Variants in SRF observed in about 807,000 individuals in gnomAD.
SRF encodes the protein c-fos serum response element-binding transcription factor.
In SRF, 7 loss-of-function variants were observed where a neutral mutation model predicts 37.1. The ratio of observed to expected loss-of-function variants is 0.19; its 90% CI spans 0.11 to 0.35. The LOEUF (loss-of-function observed/expected upper bound fraction) is 0.35. Ranked by LOEUF, SRF falls within the 10% of genes least tolerant of loss-of-function variation. SRF has a pLI of 1.00. For synonymous variants in SRF, 285 were observed against 310.1 expected, an observed-to-expected ratio of 0.92 and a Z score of 0.85; for missense variants, 395 against 694.4, an observed-to-expected ratio of 0.57 and a Z score of 4.85.
Position 43,173,963 on chromosome 6 carries a change from C to G in SRF, c.630C>G (p.Thr210=), listed in dbSNP as rs778050935. Residue 210 remains threonine (T), a synonymous_variant, in exon 2 of 7, where the codon ACC becomes ACG. Transcript: ENST00000265354. The surrounding 1 kb of genome is among the most constrained non-coding windows in gnomAD (Gnocchi z 4.2). ...TGCAGCCCATGATCACCAGTGAGAC[C>G]GGCAAGGCACTGATTCAGACCTGCC... The part of the protein sequence containing the change: ...RKLQPMITSE[T]GKALIQTCLN... 2.5e-6 allele frequency: 4 copies of G among 1,614,112 alleles called. No homozygotes were observed. Among genetic ancestry groups the G allele is most frequent in the Admixed American group, 1.7e-5 (1 of 60,022 alleles).
chr6:43,172,512 A>C lies in SRF; in HGVS notation c.513+343A>C. On this transcript the variant is annotated intron_variant, in intron 1 of 6. Transcript: ENST00000265354. The surrounding 1 kb of genome is among the most constrained non-coding windows in gnomAD (Gnocchi z 5.7). Reference sequence around the variant, plus strand: ...GGGAGGTGGATAATGAGAACCCGGGATCAGTAGGTCCAGTGCACTCCGGTG... The same window carrying C: ...GGGAGGTGGATAATGAGAACCCGGGCTCAGTAGGTCCAGTGCACTCCGGTG... 1.0e-6 allele frequency: 1 copy of C among 968,994 alleles called. No homozygotes were observed. The highest frequency in any genetic ancestry group is 1.2e-6 in the Non-Finnish European group (1 of 815,008). 60.0% of individuals were successfully genotyped at this position (968,994 alleles called of 1,614,324 possible).
Position 43,171,906 on chromosome 6 carries a change from G to C in SRF, c.250G>C (p.Glu84Gln). 1 of 1,423,354 alleles carries C rather than the reference G, an allele frequency of 7.0e-7. No homozygotes were observed. The highest frequency in any genetic ancestry group is 1.5e-5 in the South Asian group (1 of 66,940). The allele number at this position is 1,423,354 out of a possible 1,614,324, so 88.2% of individuals were successfully genotyped here. A position where few individuals can be genotyped will look rare whatever the true frequency, so the allele number is the denominator to read the frequency against. ...ALYSGSEGDS[E>Q]SGEEEELGAE... is the part of the protein sequence containing the mutation. ...CTACAGCGGCAGCGAGGGCGACTCG[G>C]AGTCGGGCGAGGAGGAGGAGCTGGG... Residue 84 changes from glutamate to glutamine, a missense_variant, in exon 1 of 7, where the codon GAG becomes CAG. Around this residue, in one of 4 missense-constraint regions of SRF, gnomAD observed 134 missense variants for 204.5 expected, o/e 0.66. Transcript: ENST00000265354. The surrounding 1 kb of genome is among the most constrained non-coding windows in gnomAD (Gnocchi z 6.5).
chr6:43,177,411 T>C (rs1772223116), intron 4 of SRF, among the ~76,000 whole-genome samples: 1 of 151,268 alleles, frequency 6.6e-6, no homozygotes, highest in African/African-American at 2.4e-5. Context: ...TTTGTATTTT[T>C]AGTAGAGACG....
intron 2 of SRF, among the ~76,000 whole-genome samples, chr6:43,175,334 A>G (rs1287712317): frequency 6.6e-6 from 1 of 152,220 alleles, no homozygotes; most frequent in African/African-American, 2.4e-5. Context: ...AGCCAATGGG[A>G]TTACCACAGT....
rs754832739 is a variant in SRF, at chr6:43,175,752, C to A, written c.827C>A (p.Thr276Asn). The change falls in exon 3 of 7, where the codon ACC (threonine) becomes AAC (asparagine). Residue 276 changes from threonine to asparagine, a missense_variant. Thr to Asn is a moderately conservative substitution (Grantham distance 65). This residue lies in a region of SRF where 232 missense variants were observed against 335.6 expected (regional missense o/e 0.69). Coordinates refer to ENST00000265354, the MANE Select transcript of SRF (RefSeq NM_003131.4). Reference sequence around the variant, plus strand: ...ACAGTCACCAACCTGCCGGGTACAACCTCCACCATCCAAACAGCACCTAGC... The same window carrying A: ...ACAGTCACCAACCTGCCGGGTACAAACTCCACCATCCAAACAGCACCTAGC... ...AFTVTNLPGTTSTIQTAPSTS... is the reference protein window; with the variant it reads ...AFTVTNLPGTNSTIQTAPSTS... The A allele has an allele frequency of 1.2e-6, 2 of 1,614,222 alleles. No homozygotes were observed. The highest frequency in any genetic ancestry group is 1.7e-6 in the Non-Finnish European group (2 of 1,180,034).
chr6:43,177,788 A>G (rs1387499627), intron 4 of SRF, among the ~76,000 whole-genome samples: 1 of 151,446 alleles, frequency 6.6e-6, no homozygotes, highest in Non-Finnish European at 1.5e-5. Context: ...GATGGCAGGC[A>G]TCTGTAGTCC....
Position 43,171,500 on chromosome 6 carries a change from G to A in SRF, c.-157G>A, listed in dbSNP as rs1018719817. 9.6e-5 allele frequency: 76 copies of A among 788,380 alleles called. No homozygotes were observed. Among genetic ancestry groups the A allele is most frequent in the Non-Finnish European group, 1.2e-4 (73 of 600,502 alleles). The allele number at this position is 788,380 out of a possible 1,614,324, so 48.8% of individuals were successfully genotyped here. ...GAAAGTGAGGGCCCAGGTCGGCCCG[G>A]GCGTGCAGGGGCCCCGGGTTCGCAG... On this transcript the variant is annotated 5_prime_UTR_variant, in exon 1 of 7. Coordinates refer to ENST00000265354, the MANE Select transcript of SRF (RefSeq NM_003131.4). This position sits in a 1 kb window ranked among gnomAD's most constrained non-coding sequence, Gnocchi z 6.5.
In SRF at chr6:43,176,538, T is replaced by G; in HGVS notation, c.1043-10T>G. 1.2e-6 allele frequency: 2 copies of G among 1,613,962 alleles called. No homozygotes were observed. The highest frequency in any genetic ancestry group is 1.7e-6 in the Non-Finnish European group (2 of 1,179,908). On this transcript the variant is annotated splice_polypyrimidine_tract_variant and intron_variant, in intron 3 of 6. Transcript: ENST00000265354. The surrounding 1 kb of genome is among the most constrained non-coding windows in gnomAD (Gnocchi z 4.0). ...GGGACAGAGCACAAATAAGACTCTG[T>G]GTCTTGCAGGTGGGGCAGTGGCCCA...
rs1443511200 is a variant in SRF, at chr6:43,176,991, A to G, written c.1162+324A>G. Among the ~76,000 whole-genome samples, 4 of 152,072 alleles carry G rather than the reference A, an allele frequency of 2.6e-5. No homozygotes were observed. The highest frequency in any genetic ancestry group is 4.4e-5 in the Non-Finnish European group (3 of 68,010). The stretch of plus-strand genomic sequence containing the variant: ...ATTATCAGGAAGGACTTAGAGAGCA[A>G]TTTTCTCTTTGTGCGAGGGTCTTAC... On this transcript the variant is annotated intron_variant, in intron 4 of 6. Coordinates refer to ENST00000265354, the MANE Select transcript of SRF (RefSeq NM_003131.4). This position sits in a 1 kb window ranked among gnomAD's most constrained non-coding sequence, Gnocchi z 4.0.
At chr6:43,177,229 T>TTTTTTTTTTTTG (rs1772216221) in intron 4 of SRF, among the ~76,000 whole-genome samples, 1 of 94,416 alleles carries the variant, frequency 1.1e-5, no homozygotes, top group Non-Finnish European at 1.9e-5. Context: ...TCGGAGTCTG[T>TTTTTTTTTTTTG]TTTTTTTTTT....
At position 43,178,888 on chromosome 6, in the gene SRF, TAGGG is replaced by T; in HGVS notation, c.1431+8_1431+11del. 1 of 1,613,978 alleles carries T rather than the reference TAGGG, an allele frequency of 6.2e-7. No homozygotes were observed. Among genetic ancestry groups the T allele is most frequent in the Non-Finnish European group, 8.5e-7 (1 of 1,179,806 alleles). The stretch of plus-strand genomic sequence containing the variant: ...CAGCAGTTCAGCTCCACCAGGTAGG[TAGGG>T]ATATCTTTCACCCCATCCCAGATAG... On this transcript the variant is annotated splice_region_variant and intron_variant, in intron 6 of 6. Transcript: ENST00000265354. The surrounding 1 kb of genome is among the most constrained non-coding windows in gnomAD (Gnocchi z 4.3).
chr6:43,178,350 A>C lies in SRF; in HGVS notation c.1219A>C (p.Met407Leu), dbSNP rs1562001312. ...SSVPTTVGGH[M>L]MYPSPHAVMY... ...CGTGCCCACAACTGTGGGTGGCCAC[A>C]TGATGTACCCTAGCCCGCATGCGGT... is the stretch of plus-strand genomic sequence containing the variant. The change falls in exon 5 of 7, where the codon ATG becomes CTG. Residue 407 changes from methionine (M) to leucine (L), a missense_variant. Met to Leu is a conservative substitution (Grantham distance 15). Transcript: ENST00000265354. The surrounding 1 kb of genome is among the most constrained non-coding windows in gnomAD (Gnocchi z 4.3). 6.2e-7 allele frequency: 1 copy of C among 1,613,662 alleles called. No homozygotes were observed. The highest frequency in any genetic ancestry group is 8.5e-7 in the Non-Finnish European group (1 of 1,179,716).
Position 43,176,097 on chromosome 6 carries a change from C to A in SRF, c.1042+130C>A. ...AAGGAAGGTGAATAGGGGCCAGAGC[C>A]TGAGCGAAGCCTCTTATATCCCGTT... is the stretch of plus-strand genomic sequence containing the variant. On this transcript the variant is annotated intron_variant, in intron 3 of 6. Coordinates refer to ENST00000265354, the MANE Select transcript of SRF (RefSeq NM_003131.4). The surrounding 1 kb of genome is among the most constrained non-coding windows in gnomAD (Gnocchi z 4.0). The A allele has an allele frequency of 1.5e-6, 2 of 1,301,040 alleles. No homozygotes were observed. The highest frequency in any genetic ancestry group is 1.0e-6 in the Non-Finnish European group (1 of 962,520). The allele number at this position is 1,301,040 out of a possible 1,614,324, so 80.6% of individuals were successfully genotyped here. A position where few individuals can be genotyped will look rare whatever the true frequency, so the allele number is the denominator to read the frequency against.
At position 43,178,859 on chromosome 6, in the gene SRF, G is replaced by C; in HGVS notation, c.1408G>C (p.Val470Leu). 6.2e-7 allele frequency: 1 copy of C among 1,614,252 alleles called. No individual in the cohort carries two copies. Among genetic ancestry groups the C allele is most frequent in the Non-Finnish European group, 8.5e-7 (1 of 1,180,038 alleles). The change falls in exon 6 of 7, where the codon GTT (valine) becomes CTT (leucine). Residue 470 changes from valine (V) to leucine (L), a missense_variant. Val to Leu is a conservative substitution (Grantham distance 32). This residue lies in a region of SRF where 232 missense variants were observed against 335.6 expected (regional missense o/e 0.69). Transcript: ENST00000265354. This position sits in a 1 kb window ranked among gnomAD's most constrained non-coding sequence, Gnocchi z 4.3. ...ATCATCTGGGACAGTGCAGATCCCT[G>C]TTTCAGCAGTTCAGCTCCACCAGGT... ...TASSGTVQIP[V>L]SAVQLHQMAV...
Position 43,172,205 on chromosome 6 carries a change from G to A in SRF, c.513+36G>A, listed in dbSNP as rs772298484. 1.9e-6 allele frequency: 3 copies of A among 1,590,208 alleles called. No homozygotes were observed. Among genetic ancestry groups the A allele is most frequent in the Non-Finnish European group, 2.6e-6 (3 of 1,173,442 alleles). On this transcript the variant is annotated intron_variant, in intron 1 of 6. Transcript: ENST00000265354. The surrounding 1 kb of genome is among the most constrained non-coding windows in gnomAD (Gnocchi z 5.7). The stretch of plus-strand genomic sequence containing the variant: ...GGGGGGCTGGCCGGCCCCGGGGCCC[G>A]GTTGGGGTGGGGATGTGCAAAGGGA...
At position 43,172,679 on chromosome 6, in the gene SRF, GGGTTAGGGACCA is replaced by G. The variant is rs1166448049; in HGVS notation, c.513+514_513+525del. 1.3e-5 allele frequency among the ~76,000 whole-genome samples: 2 copies of G among 152,316 alleles called. No individual in the cohort carries two copies. Among genetic ancestry groups the G allele is most frequent in the East Asian group, 3.9e-4 (2 of 5,182 alleles). On this transcript the variant is annotated intron_variant, in intron 1 of 6. Coordinates refer to ENST00000265354, the MANE Select transcript of SRF (RefSeq NM_003131.4). This position sits in a 1 kb window ranked among gnomAD's most constrained non-coding sequence, Gnocchi z 5.7. Reference sequence around the variant, plus strand: ...GTAGTGCTGGTTGGAAGGACAGGCAGGGTTAGGGACCAGGTAAGGGAGCGGGGCAGGAGAACT... The same window carrying G: ...GTAGTGCTGGTTGGAAGGACAGGCAGGGTAAGGGAGCGGGGCAGGAGAACT...
rs1772126024 is a variant in SRF at position 43,172,382 on chromosome 6, C to T, written c.513+213C>T. ...GGGGAGATCCCGCGAACGCTCGCAACCGTGGGGAAAGGCGCAGAGGTGGGA... is the reference window on the plus strand; with the variant it reads ...GGGGAGATCCCGCGAACGCTCGCAATCGTGGGGAAAGGCGCAGAGGTGGGA... On this transcript the variant is annotated intron_variant, in intron 1 of 6. Coordinates refer to ENST00000265354, the MANE Select transcript of SRF (RefSeq NM_003131.4). This position sits in a 1 kb window ranked among gnomAD's most constrained non-coding sequence, Gnocchi z 5.7. 3.0e-6 allele frequency: 3 copies of T among 985,084 alleles called. No homozygotes were observed. Among genetic ancestry groups the T allele is most frequent in the Non-Finnish European group, 3.6e-6 (3 of 829,880 alleles). The allele number at this position is 985,084 out of a possible 1,614,324, so 61.0% of individuals were successfully genotyped here. A position where few individuals can be genotyped will look rare whatever the true frequency, so the allele number is the denominator to read the frequency against.
intron 4 of SRF, among the ~76,000 whole-genome samples, chr6:43,177,472 C>T (rs1479847990): frequency 6.6e-5 from 10 of 150,856 alleles, no homozygotes; most frequent in Admixed American, 2.6e-4. Context: ...CCTCGTGATC[C>T]GCCCACCTCG....
At chr6:43,175,076 A>G (rs1772172477) in intron 2 of SRF, among the ~76,000 whole-genome samples, 1 of 152,168 alleles carries the variant, frequency 6.6e-6, no homozygotes. Flanking sequence ...TGTTTGACAT[A>G]TAGTGTGTCA....
Sources: allele counts gnomAD v4.1 joint callset (sites outside exome capture counted in the v4.1 genomes callset), GRCh38; gene constraint gnomAD v4.1.1; regional missense constraint gnomAD v4.1.1; non-coding constraint Gnocchi (gnomAD v3.1); transcripts MANE v1.5; gene names NCBI Gene and HGNC (gene_info 2026-07-23, HGNC 2026-07-21).